PHACTR2: variants seen among roughly 807,000 people sequenced by gnomAD.
PHACTR2 encodes the protein chromosome 6 open reading frame 56.
PHACTR2 carries 30 observed loss-of-function variants against 76.0 expected under a neutral mutation model. The observed-to-expected ratio is 0.39, with a 90% CI of 0.30 to 0.54. PHACTR2 has a LOEUF of 0.54. Ranked by LOEUF, PHACTR2 falls within the 20% of genes least tolerant of loss-of-function variation. PHACTR2 has a pLI of 0.61. For missense variants in PHACTR2, 696 were observed against 781.1 expected (o/e 0.89, Z 1.30); for synonymous variants, 292 against 292.5 (o/e 1.00, Z 0.02).
At chr6:143,661,537 T>C (rs993135584) in intron 1 of PHACTR2, among the ~76,000 whole-genome samples, 1 of 151,592 alleles carries the variant, frequency 6.6e-6, no homozygotes, top group Non-Finnish European at 1.5e-5. Flanking sequence ...TATCGTATAT[T>C]TGGCCCTTTT....
chr6:143,640,754 C>T (rs181386762), intron 1 of PHACTR2, among the ~76,000 whole-genome samples: 16 of 152,218 alleles, frequency 1.1e-4, no homozygotes, highest in Admixed American at 2.6e-4. Context: ...CATAGTGGCT[C>T]CTCAAAAGAT....
rs1777767135 is a variant in PHACTR2, at chr6:143,696,248, C to G, written c.47-15768C>G. ...GAGTCTTAGTTGGTTTTAGCAGCTC[C>G]CAGCAATTATCTTGAGACCAACGGA... On this transcript the variant is annotated intron_variant, in intron 1 of 12. Coordinates refer to ENST00000440869, the MANE Select transcript of PHACTR2 (RefSeq NM_001100164.2). The surrounding 1 kb of genome is among the most constrained non-coding windows in gnomAD (Gnocchi z 4.1). Among the ~76,000 whole-genome samples the G allele has an allele frequency of 6.6e-6, 1 of 152,080 alleles. No homozygotes were observed. The highest frequency in any genetic ancestry group is 1.5e-5 in the Non-Finnish European group (1 of 68,022).
At position 143,553,582 on chromosome 6, in the gene PHACTR2, A is replaced by T. The variant is rs1418135339; in HGVS notation, c.217+16375A>T. On this transcript the variant is annotated intron_variant, in intron 1 of 11. Transcript: ENST00000367584. The surrounding 1 kb of genome is among the most constrained non-coding windows in gnomAD (Gnocchi z 4.2). Reference sequence around the variant, plus strand: ...TTTTGACAGTTTTGAGTTTTCTCAGACAGGCACTTTAAGGTGAGTTAAGGT... The same window carrying T: ...TTTTGACAGTTTTGAGTTTTCTCAGTCAGGCACTTTAAGGTGAGTTAAGGT... Among the ~76,000 whole-genome samples the T allele has an allele frequency of 6.6e-6, 1 of 152,208 alleles. No homozygotes were observed. Among genetic ancestry groups the T allele is most frequent in the Admixed American group, 6.5e-5 (1 of 15,274 alleles).
At chr6:143,756,698 CAAAAA>C (rs10538549) in intron 4 of PHACTR2, among the ~76,000 whole-genome samples, 2 of 122,752 alleles carry the variant, frequency 1.6e-5, no homozygotes, top group Non-Finnish European at 3.5e-5. Context: ...GACTCCGTCT[CAAAAA>C]AAAAAAAAAA....
In PHACTR2 at chr6:143,618,150, T is replaced by C. The variant is rs1400550094; in HGVS notation, c.13+9828T>C. Among the ~76,000 whole-genome samples the C allele has an allele frequency of 2.0e-5, 3 of 152,098 alleles. No individual in the cohort carries two copies. The highest frequency in any genetic ancestry group is 7.2e-5 in the African/African-American group (3 of 41,408). The stretch of plus-strand genomic sequence containing the variant: ...CCAAGAGGCTGGGTCAGAGCCACGA[T>C]TAGACATCGATGCTATATTTGCTGT... On this transcript the variant is annotated intron_variant, in intron 1 of 11. Coordinates refer to the PHACTR2 transcript ENST00000305766. This position sits in a 1 kb window ranked among gnomAD's most constrained non-coding sequence, Gnocchi z 5.2.
intron 1 of PHACTR2, among the ~76,000 whole-genome samples, chr6:143,564,706 TG>T (rs1485763232): frequency 6.6e-6 from 1 of 152,168 alleles, no homozygotes; most frequent in African/African-American, 2.4e-5. Flanking sequence ...TAAATGCCAC[TG>T]GCTGATCGGA....
At position 143,697,572 on chromosome 6, in the gene PHACTR2, A is replaced by G. The variant is rs6925808; in HGVS notation, c.47-14444A>G. ...TGCTTACCTGAAAACTGTGTCAGCAATGTCTGTACCATTCTTATGAGTGTT... is the reference window on the plus strand; with the variant it reads ...TGCTTACCTGAAAACTGTGTCAGCAGTGTCTGTACCATTCTTATGAGTGTT... On this transcript the variant is annotated intron_variant, in intron 1 of 12. Coordinates refer to ENST00000440869, the MANE Select transcript of PHACTR2 (RefSeq NM_001100164.2). This position sits in a 1 kb window ranked among gnomAD's most constrained non-coding sequence, Gnocchi z 4.4. 5.8e-4 allele frequency among the ~76,000 whole-genome samples: 89 copies of G among 152,346 alleles called. No homozygotes were observed. Among genetic ancestry groups the G allele is most frequent in the African/African-American group, 1.9e-3 (78 of 41,588 alleles).
At chr6:143,746,692 C>T (rs370525549) in intron 2 of PHACTR2, among the ~76,000 whole-genome samples, 8 of 152,324 alleles carry the variant, frequency 5.3e-5, no homozygotes, top group African/African-American at 1.4e-4. Context: ...CCTGCAAAAT[C>T]CCAGCAGTGT....
chr6:143,829,416 G>A lies in PHACTR2; in HGVS notation c.*5727G>A, dbSNP rs763215322. The A allele has an allele frequency of 3.9e-5, 6 of 151,980 alleles. No individual in the cohort carries two copies. Among genetic ancestry groups the A allele is most frequent in the South Asian group, 2.1e-4 (1 of 4,824 alleles). 9.4% of individuals were successfully genotyped at this position (151,980 alleles called of 1,614,324 possible). On this transcript the variant is annotated 3_prime_UTR_variant, in exon 13 of 13. Transcript: ENST00000440869. ...TGAATCACCTGCTTATCCTATTAAC[G>A]AAGCATTTAATTCACACACAAATGC...
At chr6:143,584,911 G>A (rs757621631) in intron 1 of PHACTR2, among the ~76,000 whole-genome samples, 2 of 151,410 alleles carry the variant, frequency 1.3e-5, no homozygotes, top group Non-Finnish European at 2.9e-5. Context: ...GCAGGGGAGG[G>A]AGAGAAGAGT....
rs1473261710 is a variant in PHACTR2 at position 143,722,448 on chromosome 6, T to C, written c.214+10265T>C. On this transcript the variant is annotated intron_variant, in intron 2 of 12. Transcript: ENST00000440869. This position sits in a 1 kb window ranked among gnomAD's most constrained non-coding sequence, Gnocchi z 4.1. ...CAATAGGCCAATTTGGTGAGCATCT[T>C]CTTGGCATGTCATTTTTTTCTTAAA... Among the ~76,000 whole-genome samples the C allele has an allele frequency of 6.6e-6, 1 of 152,170 alleles. No homozygotes were observed. The highest frequency in any genetic ancestry group is 2.4e-5 in the African/African-American group (1 of 41,462).
Position 143,775,341 on chromosome 6 carries a change from G to T in PHACTR2, c.1589+1126G>T, listed in dbSNP as rs183116666. Among the ~76,000 whole-genome samples the T allele has an allele frequency of 2.3e-3, 343 of 152,242 alleles. 1 individual carries two copies. The highest frequency in any genetic ancestry group is 3.7e-3 in the Non-Finnish European group (253 of 68,020). Reference sequence around the variant, plus strand: ...GGAATGTTTACCAGTGGTCTCTCTCGCTCTCGTCTTCTTAATTCAGCCCTA... The same window carrying T: ...GGAATGTTTACCAGTGGTCTCTCTCTCTCTCGTCTTCTTAATTCAGCCCTA... On this transcript the variant is annotated intron_variant, in intron 8 of 12. Coordinates refer to ENST00000440869, the MANE Select transcript of PHACTR2 (RefSeq NM_001100164.2). The surrounding 1 kb of genome is among the most constrained non-coding windows in gnomAD (Gnocchi z 4.4).
chr6:143,674,638 C>T (rs1369311524), upstream of PHACTR2, among the ~76,000 whole-genome samples: 1 of 152,146 alleles, frequency 6.6e-6, no homozygotes, highest in Admixed American at 6.5e-5. The surrounding 1 kb of genome is among the most constrained non-coding windows in gnomAD (Gnocchi z 4.9). Context: ...ATCATAATTC[C>T]TCCACCCCTA....
rs1470983139 is a variant in PHACTR2, at chr6:143,679,901, C to G, written c.46+1692C>G. On this transcript the variant is annotated intron_variant, in intron 1 of 12. Transcript: ENST00000440869. The surrounding 1 kb of genome is among the most constrained non-coding windows in gnomAD (Gnocchi z 4.6). ...AAAGATAATTCAGAGAAATATCTCA[C>G]GGAACGGTGTTATACTTAAATTGCA... is the stretch of plus-strand genomic sequence containing the variant. Among the ~76,000 whole-genome samples the G allele has an allele frequency of 6.6e-6, 1 of 152,064 alleles. No homozygotes were observed. Among genetic ancestry groups the G allele is most frequent in the African/African-American group, 2.4e-5 (1 of 41,398 alleles).
chr6:143,814,802 C>T (rs1776264363), intron 12 of PHACTR2, among the ~76,000 whole-genome samples: 1 of 151,958 alleles, frequency 6.6e-6, no homozygotes, highest in South Asian at 2.1e-4. Context: ...CGGGGTTTCA[C>T]CGTGTTAGCC....
At chr6:143,798,935 T>C (rs971148020) in intron 11 of PHACTR2, among the ~76,000 whole-genome samples, 1 of 152,204 alleles carries the variant, frequency 6.6e-6, no homozygotes, top group African/African-American at 2.4e-5. Flanking sequence ...CTTTTTCTAT[T>C]GATTGGGATA....
At chr6:143,786,289 T>C (rs1775556373) in intron 10 of PHACTR2, among the ~76,000 whole-genome samples, 1 of 152,232 alleles carries the variant, frequency 6.6e-6, no homozygotes. Context: ...TGCTAAAACA[T>C]AATAAGAGTC....
In PHACTR2 at chr6:143,595,216, A is replaced by C. The variant is rs1490609676; in HGVS notation, c.217+58009A>C. On this transcript the variant is annotated intron_variant, in intron 1 of 11. Coordinates refer to the PHACTR2 transcript ENST00000367584. This position sits in a 1 kb window ranked among gnomAD's most constrained non-coding sequence, Gnocchi z 4.2. ...AAAGTTCAATTAGAGGATGGGCACTAAAATATATATGAACTAAGTTAAGTA... is the reference window on the plus strand; with the variant it reads ...AAAGTTCAATTAGAGGATGGGCACTCAAATATATATGAACTAAGTTAAGTA... Among the ~76,000 whole-genome samples, 7 of 152,264 alleles carry C rather than the reference A, an allele frequency of 4.6e-5. No individual in the cohort carries two copies. The highest frequency in any genetic ancestry group is 8.8e-5 in the Non-Finnish European group (6 of 68,044).
chr6:143,771,031 A>G (rs1028246240), intron 6 of PHACTR2, among the ~76,000 whole-genome samples: 13 of 142,152 alleles, frequency 9.1e-5, no homozygotes, highest in Non-Finnish European at 2.0e-4. Context: ...CTGTTATGTT[A>G]CAAGAGGCAG....
Sources: gnomAD v4.1 joint callset for allele counts (sites outside exome capture counted in the v4.1 genomes callset) on GRCh38, gnomAD v4.1.1 for gene constraint, Gnocchi (gnomAD v3.1) non-coding constraint, MANE v1.5 for transcripts, NCBI Gene and HGNC (gene_info 2026-07-23, HGNC 2026-07-21) for gene names.